Variants in CDH18 observed in about 807,000 individuals in gnomAD.
CDH18 encodes cadherin-18.
In CDH18, 31 loss-of-function variants were observed where a neutral mutation model predicts 67.9. The observed-to-expected ratio is 0.46, with a 90% CI of 0.34 to 0.62. CDH18 has a LOEUF of 0.62. CDH18 is among the 20% of genes least tolerant of loss of function. The pLI, the probability that CDH18 is intolerant of heterozygous loss-of-function variation, is 0.01. For synonymous variants in CDH18, 362 were observed against 347.2 expected, an observed-to-expected ratio of 1.04 and a Z score of -0.48; for missense variants, 890 against 975.5, an observed-to-expected ratio of 0.91 and a Z score of 1.17.
At chr5:20,147,882 T>C (rs1011225393) in intron 2 of CDH18, among the ~76,000 whole-genome samples, 3 of 152,148 alleles carry the variant, frequency 2.0e-5, no homozygotes, top group Admixed American at 1.3e-4. Flanking sequence ...TTTAACCACC[T>C]ATACAGAACT....
chr5:20,035,971 C>T (rs1472375937), intron 2 of CDH18, among the ~76,000 whole-genome samples: 1 of 151,786 alleles, frequency 6.6e-6, no homozygotes, highest in Non-Finnish European at 1.5e-5. Flanking sequence ...GTTGTTGTTG[C>T]TGTGGTTTTA....
At chr5:20,290,899 A>G (rs1302144956) in intron 1 of CDH18, among the ~76,000 whole-genome samples, 3 of 152,234 alleles carry the variant, frequency 2.0e-5, no homozygotes, top group Non-Finnish European at 2.9e-5. Context: ...AGAACTTAGA[A>G]ATAGGGTGGT....
In CDH18 at chr5:19,913,994, T is replaced by G. The variant is rs796067622; in HGVS notation, c.-257+67066A>C. Among the ~76,000 whole-genome samples the G allele has an allele frequency of 2.2e-4, 33 of 152,252 alleles. 1 individual carries two copies. Among genetic ancestry groups the G allele is most frequent in the African/African-American group, 7.9e-4 (33 of 41,568 alleles). On this transcript the variant is annotated intron_variant, in intron 2 of 12. Coordinates refer to ENST00000382275, the MANE Select transcript of CDH18 (RefSeq NM_004934.5). ...TTTTAGCTTCTATCAAATATGATTCTCTAAAAAATGAGACCATTAGGATCA... is the reference window on the plus strand; with the variant it reads ...TTTTAGCTTCTATCAAATATGATTCGCTAAAAAATGAGACCATTAGGATCA...
At chr5:19,649,957 A>G (rs1313782131) in intron 5 of CDH18, among the ~76,000 whole-genome samples, 1 of 152,030 alleles carries the variant, frequency 6.6e-6, no homozygotes, top group Non-Finnish European at 1.5e-5. Flanking sequence ...ATCAAACTAT[A>G]TGTCAAAGAC....
At chr5:19,884,644 G>T (rs1404684449) in intron 2 of CDH18, among the ~76,000 whole-genome samples, 1 of 151,824 alleles carries the variant, frequency 6.6e-6, no homozygotes, top group Non-Finnish European at 1.5e-5. Flanking sequence ...TGACAACTCT[G>T]TGTTTTAAAA....
chr5:19,475,551 CACAT>C (rs1301552699), intron 12 of CDH18, among the ~76,000 whole-genome samples: 1 of 151,872 alleles, frequency 6.6e-6, no homozygotes, highest in African/African-American at 2.4e-5. Context: ...CACACACACA[CACAT>C]ACACACACAC....
intron 1 of CDH18, among the ~76,000 whole-genome samples, chr5:20,497,148 G>C (rs924727909): frequency 2.0e-5 from 3 of 152,190 alleles, no homozygotes; most frequent in South Asian, 2.1e-4. Context: ...ATGAAGCTGG[G>C]GTGGAGGCAG....
At chr5:20,063,240 AC>A (rs1456580059) in intron 2 of CDH18, among the ~76,000 whole-genome samples, 1 of 151,602 alleles carries the variant, frequency 6.6e-6, no homozygotes, top group Non-Finnish European at 1.5e-5. Flanking sequence ...CCATACAATT[AC>A]CACAGAAAAG....
At chr5:19,998,623 T>C (rs575180701) in intron 2 of CDH18, among the ~76,000 whole-genome samples, 3 of 152,238 alleles carry the variant, frequency 2.0e-5, no homozygotes, top group Non-Finnish European at 4.4e-5. Context: ...TTTTCATGGA[T>C]TTTTTTCAAG....
At chr5:20,365,674 T>C (rs1452723419) in intron 1 of CDH18, among the ~76,000 whole-genome samples, 5 of 152,188 alleles carry the variant, frequency 3.3e-5, no homozygotes, top group African/African-American at 1.2e-4. Flanking sequence ...CTATACCAGT[T>C]ACAAAATTTA....
chr5:19,546,867 A>T (rs993278885), intron 8 of CDH18, among the ~76,000 whole-genome samples: 5 of 152,206 alleles, frequency 3.3e-5, no homozygotes, highest in Admixed American at 3.3e-4. Flanking sequence ...GAACGGTGTG[A>T]TCAAAACAAG....
chr5:19,532,144 T>C (rs896165519), intron 9 of CDH18, among the ~76,000 whole-genome samples: 8 of 152,184 alleles, frequency 5.3e-5, no homozygotes, highest in Non-Finnish European at 1.0e-4. Flanking sequence ...GTAGCCAATG[T>C]ATTTTTTTGG....
At chr5:19,886,697 G>T (rs1319053347) in intron 2 of CDH18, among the ~76,000 whole-genome samples, 1 of 152,108 alleles carries the variant, frequency 6.6e-6, no homozygotes, top group Non-Finnish European at 1.5e-5. Context: ...AGTGATGTTT[G>T]TAAAGTGAAA....
chr5:19,933,038 C>A (rs1309916832), intron 2 of CDH18, among the ~76,000 whole-genome samples: 1 of 151,304 alleles, frequency 6.6e-6, no homozygotes, highest in Non-Finnish European at 1.5e-5. Flanking sequence ...GGTATATATA[C>A]CTAATCATAA....
At chr5:20,469,662 C>G (rs1288171364) in intron 1 of CDH18, among the ~76,000 whole-genome samples, 1 of 152,084 alleles carries the variant, frequency 6.6e-6, no homozygotes. Context: ...TATCACTAAG[C>G]CTGGAAGTAG....
intron 1 of CDH18, among the ~76,000 whole-genome samples, chr5:20,346,981 T>C (rs1740752882): frequency 6.6e-6 from 1 of 152,164 alleles, no homozygotes; most frequent in African/African-American, 2.4e-5. Context: ...CTATAGCAGA[T>C]ACTTCTTGTT....
At chr5:19,729,053 G>A (rs1301370624) in intron 4 of CDH18, among the ~76,000 whole-genome samples, 1 of 152,112 alleles carries the variant, frequency 6.6e-6, no homozygotes, top group African/African-American at 2.4e-5. Flanking sequence ...CATCTGGGCT[G>A]AGTACCAAAA....
intron 2 of CDH18, among the ~76,000 whole-genome samples, chr5:19,861,905 G>T (rs1446290460): frequency 6.6e-6 from 1 of 152,150 alleles, no homozygotes; most frequent in Non-Finnish European, 1.5e-5. Context: ...TGAGTGAGTA[G>T]AAATCCCATT....
chr5:19,612,863 G>A (rs1394880893), intron 5 of CDH18, among the ~76,000 whole-genome samples: 69 of 152,060 alleles, frequency 4.5e-4, no homozygotes, highest in Admixed American at 2.1e-3. Context: ...TCCCTCGGCC[G>A]GATGCGGTGG....
Sources: gnomAD v4.1 joint callset for allele counts (sites outside exome capture counted in the v4.1 genomes callset) on GRCh38, gnomAD v4.1.1 for gene constraint, MANE v1.5 for transcripts, NCBI Gene and HGNC (gene_info 2026-07-23, HGNC 2026-07-21) for gene names.